CEP192: variants seen among roughly 807,000 people sequenced by gnomAD.
The protein encoded by CEP192 is centrosomal protein of 192 kDa.
In CEP192, 151 loss-of-function variants were observed where a neutral mutation model predicts 271.8. The ratio of observed to expected loss-of-function variants is 0.56; its 90% CI spans 0.49 to 0.64. The LOEUF is 0.64. Among genes scored for constraint, CEP192 ranks in the 30% least tolerant of loss-of-function variants. The probability of loss-of-function intolerance (pLI) is 0.00; values close to 1 mark genes in which losing one functional copy is unlikely to be tolerated. For synonymous variants in CEP192, 995 were observed against 1,076.5 expected, an observed-to-expected ratio of 0.92 and a Z score of 1.48; for missense variants, 2,910 against 3,020.5, an observed-to-expected ratio of 0.96 and a Z score of 0.86.
At chr18:13,102,308 G>A (rs924218337) in intron 38 of CEP192, among the ~76,000 whole-genome samples, 2 of 151,914 alleles carry the variant, frequency 1.3e-5, no homozygotes, top group Non-Finnish European at 2.9e-5. Context: ...CTGGAACCAG[G>A]CCTGTCCATT....
intron 32 of CEP192, among the ~76,000 whole-genome samples, chr18:13,089,159 C>T (rs1245495823): frequency 1.3e-5 from 2 of 152,084 alleles, no homozygotes; most frequent in African/African-American, 2.4e-5. Context: ...AGACAAATTT[C>T]TAGCTGTAAC....
chr18:13,008,821 C>T (rs999976317), intron 4 of CEP192, among the ~76,000 whole-genome samples, 190 bp downstream of exon 4: 1 of 151,450 alleles, frequency 6.6e-6, no homozygotes, highest in Non-Finnish European at 1.5e-5. Flanking sequence ...ATCTTCCCAT[C>T]TCAGCCTCCT....
At chr18:13,095,735 A>C in intron 35 of CEP192, 54 bp downstream of exon 35, 2 of 1,496,850 alleles carry the variant, frequency 1.3e-6, no homozygotes, top group Non-Finnish European at 1.8e-6. Context: ...CCGGGCCTGC[A>C]CTCCCATTGT....
chr18:13,066,313 A>T (rs1169491395), intron 21 of CEP192, among the ~76,000 whole-genome samples: 1 of 152,174 alleles, frequency 6.6e-6, no homozygotes, highest in African/African-American at 2.4e-5. Context: ...GGACTCTGTT[A>T]TCTACATTTA....
intron 42 of CEP192, 23 bp downstream of exon 42, chr18:13,114,274 A>G (rs751842159): frequency 6.2e-7 from 1 of 1,608,058 alleles, no homozygotes; most frequent in Non-Finnish European, 8.5e-7. Flanking sequence ...TGTCATTCTT[A>G]TGAGTTTTTT....
chr18:13,025,098 T>C (rs1417640331), intron 9 of CEP192, among the ~76,000 whole-genome samples: 1 of 152,184 alleles, frequency 6.6e-6, no homozygotes, highest in Non-Finnish European at 1.5e-5. Context: ...CCATTGACTT[T>C]GAAAGTGATT....
At chr18:13,053,198 C>T in intron 18 of CEP192, 108 bp downstream of exon 18, 1 of 883,808 alleles carries the variant, frequency 1.1e-6, no homozygotes, top group Non-Finnish European at 1.7e-6. Flanking sequence ...CAGTGTTGCT[C>T]TTTTATCTTT....
intron 15 of CEP192, among the ~76,000 whole-genome samples, chr18:13,044,310 C>T (rs2036362946): frequency 6.6e-6 from 1 of 151,998 alleles, no homozygotes; most frequent in African/African-American, 2.4e-5. Context: ...TCTTGCCTTC[C>T]TTGACTGGAT....
intron 3 of CEP192, among the ~76,000 whole-genome samples, chr18:13,005,878 A>G (rs1221069658): frequency 1.3e-5 from 2 of 152,218 alleles, no homozygotes. Flanking sequence ...ATGAAAATAA[A>G]TTTTCACACA....
At chr18:13,093,921 C>T (rs930822732) in intron 34 of CEP192, among the ~76,000 whole-genome samples, 8 of 152,196 alleles carry the variant, frequency 5.3e-5, no homozygotes, top group Non-Finnish European at 8.8e-5. Context: ...AATCACCTTT[C>T]TTTTTTCTTG....
chr18:13,001,733 T>C (rs558776472), intron 3 of CEP192, among the ~76,000 whole-genome samples, 151 bp downstream of exon 3: 30 of 152,360 alleles, frequency 2.0e-4, no homozygotes, highest in African/African-American at 6.7e-4. Context: ...GGAGTTTCAC[T>C]CACTCCATTG....
At chr18:13,061,331 T>A (rs1233557633) in intron 21 of CEP192, among the ~76,000 whole-genome samples, 2 of 152,128 alleles carry the variant, frequency 1.3e-5, no homozygotes, top group Non-Finnish European at 2.9e-5. Flanking sequence ...TGAAAAAAAA[T>A]AAAGTTAATT....
Position 13,068,148 on chromosome 18 carries a change from G to A in CEP192, c.4669G>A (p.Val1557Met), listed in dbSNP as rs1373114998. The A allele has an allele frequency of 2.5e-6, 4 of 1,614,236 alleles. No individual in the cohort carries two copies. The highest frequency in any genetic ancestry group is 3.4e-6 in the Non-Finnish European group (4 of 1,180,028). The change falls in exon 23 of 45, where the codon GTG becomes ATG. Residue 1557 changes from valine to methionine, a missense_variant. By Grantham distance (21) the Val-to-Met change is conservative (BLOSUM62 1). Transcript: ENST00000506447. Reference sequence around the variant, plus strand: ...TTCCAAGGAATCCGTCCGAGCTCCTGTGGAAGTTGCTCCTTGCGCTGATGT... The same window carrying A: ...TTCCAAGGAATCCGTCCGAGCTCCTATGGAAGTTGCTCCTTGCGCTGATGT... ...TFSKESVRAP[V>M]EVAPCADVVT...
At chr18:13,092,218 CTG>C (rs1306941930) in intron 33 of CEP192, among the ~76,000 whole-genome samples, 157 bp from the exon 34 acceptor site, 1 of 152,202 alleles carries the variant, frequency 6.6e-6, no homozygotes, top group Non-Finnish European at 1.5e-5. Flanking sequence ...GCTGAATTGA[CTG>C]TAATTTTGTG....
intron 44 of CEP192, chr18:13,124,361 A>G (rs1598670242): frequency 3.4e-6 from 1 of 296,448 alleles, no homozygotes; most frequent in East Asian, 5.3e-5. Flanking sequence ...GATAGTTTAG[A>G]CCTCTTATTT....
Position 13,124,735 on chromosome 18 carries a change from A to C in CEP192, c.7579A>C (p.Ile2527Leu). Residue 2527 changes from isoleucine to leucine, a missense_variant, in exon 45 of 45, where the codon ATT becomes CTT. Ile to Leu is a conservative substitution (Grantham distance 5). Transcript: ENST00000506447. ...AACAGATGAAGGCAAGAGTATTGCTATTCGACTAATTGGTGAAGCTCTTGG... is the reference window on the plus strand; with the variant it reads ...AACAGATGAAGGCAAGAGTATTGCTCTTCGACTAATTGGTGAAGCTCTTGG... ...IQTDEGKSIA[I>L]RLIGEALGKN The C allele has an allele frequency of 6.2e-7, 1 of 1,612,762 alleles. No individual in the cohort carries two copies. The highest frequency in any genetic ancestry group is 8.5e-7 in the Non-Finnish European group (1 of 1,178,930).
intron 3 of CEP192, among the ~76,000 whole-genome samples, chr18:13,003,413 C>T (rs535572172): frequency 6.9e-6 from 1 of 145,770 alleles, no homozygotes; most frequent in Non-Finnish European, 1.5e-5. Context: ...CACGCCACTG[C>T]ACTCCAGCCT....
At chr18:13,022,927 A>C (rs1296914921) in intron 9 of CEP192, among the ~76,000 whole-genome samples, 1 of 152,170 alleles carries the variant, frequency 6.6e-6, no homozygotes, top group Non-Finnish European at 1.5e-5. Context: ...TACCTAACTT[A>C]TTTCATATGT....
At chr18:13,071,353 A>AAG in intron 28 of CEP192, 141 bp downstream of exon 28, 1 of 662,366 alleles carries the variant, frequency 1.5e-6, no homozygotes, top group Non-Finnish European at 2.5e-6. Flanking sequence ...CTAGATGGGC[A>AAG]CGTGTCCTGA....
Sources: allele counts gnomAD v4.1 joint callset (sites outside exome capture counted in the v4.1 genomes callset), GRCh38; gene constraint gnomAD v4.1.1; transcripts MANE v1.5; gene names NCBI Gene and HGNC (gene_info 2026-07-23, HGNC 2026-07-21).